The following FAM168A variants were observed in gnomAD, a reference collection of about 807,000 sequenced individuals.
FAM168A encodes family with sequence similarity 168 member A.
In FAM168A, 3 loss-of-function variants were observed where a neutral mutation model predicts 28.5. That is an observed-to-expected ratio of 0.11 (90% confidence interval 0.05 to 0.27). The LOEUF (loss-of-function observed/expected upper bound fraction) is 0.27. FAM168A is among the 10% of genes least tolerant of loss of function. The pLI, the probability that FAM168A is intolerant of heterozygous loss-of-function variation, is 1.00. For synonymous variants in FAM168A, 122 were observed against 124.2 expected (o/e 0.98, Z 0.12); for missense variants, 222 against 311.5 (o/e 0.71, Z 2.16).
intron 2 of FAM168A, among the ~76,000 whole-genome samples, chr11:73,455,844 A>C (rs1050887974): frequency 1.3e-5 from 2 of 152,202 alleles, no homozygotes; most frequent in Admixed American, 6.5e-5. Flanking sequence ...GAGAGCACCT[A>C]TGTGGCTTAC....
At chr11:73,493,144 T>A (rs1016608067) in intron 1 of FAM168A, among the ~76,000 whole-genome samples, 1 of 150,252 alleles carries the variant, frequency 6.7e-6, no homozygotes, top group Non-Finnish European at 1.5e-5. Flanking sequence ...GTAACAAACC[T>A]GAACATGTAC....
intron 1 of FAM168A, among the ~76,000 whole-genome samples, chr11:73,510,312 G>A (rs1855195831): frequency 1.3e-5 from 2 of 152,120 alleles, no homozygotes; most frequent in African/African-American, 4.8e-5. Context: ...AGGGATAAGA[G>A]ATAAGGCGTA....
At chr11:73,533,933 G>A (rs1327887994) in intron 1 of FAM168A, among the ~76,000 whole-genome samples, 4 of 152,076 alleles carry the variant, frequency 2.6e-5, no homozygotes, top group Admixed American at 6.6e-5. Flanking sequence ...TTTATTGGTG[G>A]AATTATGAAT....
intron 1 of FAM168A, among the ~76,000 whole-genome samples, chr11:73,494,188 C>A (rs1854821090): frequency 6.6e-6 from 1 of 152,032 alleles, no homozygotes. Flanking sequence ...AGTGTTAGAG[C>A]TTGGTAGGAC....
intron 1 of FAM168A, among the ~76,000 whole-genome samples, chr11:73,570,718 A>G (rs1342497609): frequency 2.6e-5 from 4 of 151,042 alleles, no homozygotes; most frequent in Non-Finnish European, 5.9e-5. Context: ...TGGGTGACAG[A>G]GTGAGATACT....
chr11:73,531,644 A>C (rs1161588182), intron 1 of FAM168A, among the ~76,000 whole-genome samples: 1 of 152,072 alleles, frequency 6.6e-6, no homozygotes, highest in Non-Finnish European at 1.5e-5. Flanking sequence ...TTACTCTCCA[A>C]TTCTAACTGA....
At chr11:73,442,838 C>CTTTT (rs11365247) in intron 2 of FAM168A, among the ~76,000 whole-genome samples, 3 of 127,420 alleles carry the variant, frequency 2.4e-5, no homozygotes, top group Non-Finnish European at 3.4e-5. Flanking sequence ...TTCTTTCTTT[C>CTTTT]TTTTTTTTTT....
At chr11:73,574,602 G>A (rs759142599) in intron 1 of FAM168A, among the ~76,000 whole-genome samples, 17 of 151,838 alleles carry the variant, frequency 1.1e-4, no homozygotes, top group East Asian at 1.9e-4. Context: ...CCCTCTTGTC[G>A]CCCAAGCTGG....
chr11:73,531,350 T>C (rs1342371126), intron 1 of FAM168A, among the ~76,000 whole-genome samples: 2 of 152,206 alleles, frequency 1.3e-5, no homozygotes, highest in African/African-American at 2.4e-5. Context: ...AAACAAATTA[T>C]GGATGAACAC....
At chr11:73,412,189 C>A (rs555848180) in intron 4 of FAM168A, 2 of 148,836 alleles carry the variant, frequency 1.3e-5, no homozygotes, top group Non-Finnish European at 2.9e-5. Flanking sequence ...GCTGACCATA[C>A]AAAACACCAT....
chr11:73,475,590 G>A (rs1867877004), intron 1 of FAM168A, among the ~76,000 whole-genome samples: 1 of 152,002 alleles, frequency 6.6e-6, no homozygotes, highest in South Asian at 2.1e-4. Context: ...GGAACAAAGT[G>A]CTTACCAAAC....
chr11:73,485,638 CTGTT>C (rs942364391), intron 1 of FAM168A, among the ~76,000 whole-genome samples: 3 of 152,126 alleles, frequency 2.0e-5, no homozygotes, highest in East Asian at 1.9e-4. Context: ...CACTGATAAT[CTGTT>C]TGTTTTTCGT....
At chr11:73,580,257 C>T (rs1944227602) in intron 1 of FAM168A, 3 of 549,154 alleles carry the variant, frequency 5.5e-6, no homozygotes, top group South Asian at 4.2e-5. Context: ...GCCACCATGC[C>T]CAAGAAAGGC....
chr11:73,588,727 ACTGC>A (rs1013896557), intron 1 of FAM168A, among the ~76,000 whole-genome samples: 3 of 152,152 alleles, frequency 2.0e-5, no homozygotes, highest in Non-Finnish European at 4.4e-5. Flanking sequence ...TATAGACTGA[ACTGC>A]CTCCCCTCAA....
chr11:73,477,759 A>T lies in FAM168A; in HGVS notation c.-18-9267T>A, dbSNP rs982227658. Reference sequence around the variant, plus strand: ...ACTATCCTTTGAAACTGAAGTCAAAATAAACACATTCCCAGATAAATAATT... The same window carrying T: ...ACTATCCTTTGAAACTGAAGTCAAATTAAACACATTCCCAGATAAATAATT... On this transcript the variant is annotated intron_variant, in intron 1 of 7. Coordinates refer to ENST00000356467, the MANE Select transcript of FAM168A (RefSeq NM_015159.3). Among the ~76,000 whole-genome samples, 3 of 152,326 alleles carry T rather than the reference A, an allele frequency of 2.0e-5. No homozygotes were observed. The East Asian group carries it at 5.8e-4, about 29-fold the overall frequency.
In FAM168A at chr11:73,597,991, A is replaced by C. The variant is rs886532704; in HGVS notation, c.-87T>G. On this transcript the variant is annotated 5_prime_UTR_variant, in exon 1 of 8. Coordinates refer to ENST00000356467, the MANE Select transcript of FAM168A (RefSeq NM_015159.3). ...GCGGCGATGCCCTTGTCTTCTCCGG[A>C]GGCTACGGCGGCGACGCTCTCGCCC... The C allele has an allele frequency of 1.9e-5, 3 of 153,848 alleles. No homozygotes were observed. Among genetic ancestry groups the C allele is most frequent in the Non-Finnish European group, 4.3e-5 (3 of 69,250 alleles). 9.5% of individuals were successfully genotyped at this position (153,848 alleles called of 1,614,324 possible). A position where few individuals can be genotyped will look rare whatever the true frequency, so the allele number is the denominator to read the frequency against.
At chr11:73,512,869 G>C (rs866263100) in intron 1 of FAM168A, among the ~76,000 whole-genome samples, 1 of 152,134 alleles carries the variant, frequency 6.6e-6, no homozygotes, top group South Asian at 2.1e-4. Context: ...ATAATATTTA[G>C]TTGAATTGAA....
At chr11:73,463,973 G>A (rs1867691917) in intron 2 of FAM168A, among the ~76,000 whole-genome samples, 1 of 152,106 alleles carries the variant, frequency 6.6e-6, no homozygotes, top group Admixed American at 6.5e-5. Context: ...AACATCAAAG[G>A]GGGAGTTGTG....
At chr11:73,517,362 T>C (rs111919950) in intron 1 of FAM168A, among the ~76,000 whole-genome samples, 3,869 of 152,218 alleles carry the variant, frequency 0.025, 128 homozygotes, top group African/African-American at 0.079. Flanking sequence ...AACTGAGTAG[T>C]AAATCATCTC....
Sources: gnomAD v4.1 joint callset for allele counts (sites outside exome capture counted in the v4.1 genomes callset) on GRCh38, gnomAD v4.1.1 for gene constraint, MANE v1.5 for transcripts, NCBI Gene and HGNC (gene_info 2026-07-23, HGNC 2026-07-21) for gene names.